The following GLP2R variants were observed in gnomAD, a reference collection of about 807,000 sequenced individuals.
The protein encoded by GLP2R is glucagon like peptide 2 receptor.
Under a neutral mutation model 68.2 loss-of-function variants are expected in GLP2R, and 59 were observed. That is an observed-to-expected ratio of 0.87 (90% CI 0.70 to 1.07). The LOEUF is 1.07. Ranked by LOEUF, GLP2R falls within the 50% of genes least tolerant of loss-of-function variation. GLP2R has a pLI of 0.00. For missense variants in GLP2R, 548 were observed against 677.4 expected (o/e 0.81, Z 2.12); for synonymous variants, 270 against 265.4 (o/e 1.02, Z -0.17).
intron 11 of GLP2R, among the ~76,000 whole-genome samples, chr17:9,883,000 A>G (rs1324633548): frequency 1.4e-5 from 2 of 147,240 alleles, no homozygotes; most frequent in Admixed American, 6.8e-5. Context: ...ACAAAAAAAA[A>G]AAAAAAGCAG....
intron 9 of GLP2R, 41 bp from the exon 10 acceptor site, chr17:9,870,706 A>G: frequency 1.1e-6 from 1 of 907,058 alleles, no homozygotes; most frequent in South Asian, 1.3e-5. Flanking sequence ...AGCTATGTGG[A>G]ATTCGTCACT....
In GLP2R at chr17:9,826,057, G is replaced by A. The variant is rs375752231; in HGVS notation, c.-7G>A. On this transcript the variant is annotated 5_prime_UTR_variant, in exon 1 of 13. Coordinates refer to ENST00000262441, the MANE Select transcript of GLP2R (RefSeq NM_004246.3). ...TGTACCCCTACTTGTGAAGGTGCAC[G>A]AGGAAGATGAAGCTGGGATCGAGCA... The A allele has an allele frequency of 5.3e-5, 86 of 1,608,714 alleles. No individual in the cohort carries two copies. Among genetic ancestry groups the A allele is most frequent in the African/African-American group, 1.3e-4 (10 of 74,708 alleles).
chr17:9,837,043 C>T (rs1008773261), intron 3 of GLP2R, among the ~76,000 whole-genome samples: 4 of 151,930 alleles, frequency 2.6e-5, no homozygotes, highest in South Asian at 2.1e-4. Flanking sequence ...TTAGTAGAGA[C>T]GGGATTTCAC....
At chr17:9,868,916 C>T (rs9898951) in intron 9 of GLP2R, among the ~76,000 whole-genome samples, 3,076 of 152,218 alleles carry the variant, frequency 0.02, 106 homozygotes, top group African/African-American at 0.068. Context: ...AAGGACACAA[C>T]GTTTTCTCTT....
At chr17:9,842,444 G>A (rs1002094106) in intron 3 of GLP2R, 51 bp from the exon 4 acceptor site, 6 of 1,612,502 alleles carry the variant, frequency 3.7e-6, no homozygotes, top group Non-Finnish European at 5.1e-6. Context: ...CATGCTCAGG[G>A]GAACGGGCTG....
intron 9 of GLP2R, 117 bp downstream of exon 9, chr17:9,862,207 A>C: frequency 2.7e-6 from 2 of 734,554 alleles, no homozygotes; most frequent in East Asian, 5.0e-5. Context: ...GAGAAGCTGA[A>C]CTATGAGCAT....
intron 5 of GLP2R, among the ~76,000 whole-genome samples, chr17:9,856,530 A>T (rs1020320643): frequency 6.6e-6 from 1 of 152,190 alleles, no homozygotes; most frequent in African/African-American, 2.4e-5. Flanking sequence ...CACATCACAC[A>T]CAAAGAGTCT....
Position 9,862,067 on chromosome 17 carries a change from G to A in GLP2R, c.1033G>A (p.Gly345Arg). ...TAAGAAAATCTGGTGGATCATCCGA[G>A]GACCCATGATGCTCTGTGTAACAGT... is the stretch of plus-strand genomic sequence containing the variant. The part of the protein sequence containing the change: ...GNKKIWWIIR[G>R]PMMLCVTVNF... The change falls in exon 9 of 13, where the codon GGA becomes AGA. Residue 345 changes from glycine to arginine, a missense_variant. Gly to Arg is a moderately radical substitution (Grantham distance 125, BLOSUM62 -2). Coordinates refer to ENST00000262441, the MANE Select transcript of GLP2R (RefSeq NM_004246.3). The A allele has an allele frequency of 2.5e-6, 4 of 1,613,434 alleles. No homozygotes were observed. Among genetic ancestry groups the A allele is most frequent in the Non-Finnish European group, 3.4e-6 (4 of 1,179,408 alleles).
chr17:9,833,965 A>G, intron 2 of GLP2R, 71 bp downstream of exon 2: 1 of 915,502 alleles, frequency 1.1e-6, no homozygotes, highest in Non-Finnish European at 1.8e-6. Flanking sequence ...CAAAACAATA[A>G]CTAGTCACTT....
chr17:9,843,959 C>T (rs2066812544), intron 4 of GLP2R, among the ~76,000 whole-genome samples: 1 of 152,060 alleles, frequency 6.6e-6, no homozygotes, highest in African/African-American at 2.4e-5. Context: ...GTGATCGTTG[C>T]TGGGAGGGAA....
intron 4 of GLP2R, among the ~76,000 whole-genome samples, chr17:9,843,694 A>G (rs962146260): frequency 6.6e-6 from 1 of 152,204 alleles, no homozygotes; most frequent in Non-Finnish European, 1.5e-5. Context: ...TGTTTGTCCA[A>G]CATCTGCTCA....
intron 6 of GLP2R, among the ~76,000 whole-genome samples, chr17:9,857,852 A>G (rs902400924): frequency 1.3e-5 from 2 of 152,240 alleles, no homozygotes; most frequent in African/African-American, 4.8e-5. Context: ...GACCAGATCA[A>G]CGTATTTTAC....
chr17:9,880,598 G>A (rs921799975), intron 11 of GLP2R, 82 bp downstream of exon 11: 3 of 909,228 alleles, frequency 3.3e-6, no homozygotes, highest in Middle Eastern at 6.3e-4. Flanking sequence ...GAATTAAGGA[G>A]CCCGTGGATG....
Position 9,870,855 on chromosome 17 carries a change from TC to T in GLP2R, c.1145+24del, listed in dbSNP as rs756773588. 16 of 1,110,538 alleles carry T rather than the reference TC, an allele frequency of 1.4e-5. No individual in the cohort carries two copies. The South Asian group carries it at 1.5e-4, about 10-fold the overall frequency. The allele number at this position is 1,110,538 out of a possible 1,614,324, so 68.8% of individuals were successfully genotyped here. Reference sequence around the variant, plus strand: ...ATACAGGTGAGTGGCTTAAGGTTGGTCCCCAGCAGTCCAAGGTTATTGTAAG... The same window carrying T: ...ATACAGGTGAGTGGCTTAAGGTTGGTCCCAGCAGTCCAAGGTTATTGTAAG... On this transcript the variant is annotated intron_variant, in intron 10 of 12. Coordinates refer to ENST00000262441, the MANE Select transcript of GLP2R (RefSeq NM_004246.3).
intron 3 of GLP2R, among the ~76,000 whole-genome samples, chr17:9,837,949 C>T (rs2066748768): frequency 6.6e-6 from 1 of 152,032 alleles, no homozygotes; most frequent in Admixed American, 6.6e-5. Context: ...CAATGTTTTG[C>T]GCCTCTAGAG....
intron 12 of GLP2R, among the ~76,000 whole-genome samples, chr17:9,888,375 A>G (rs910857905): frequency 6.6e-6 from 1 of 152,212 alleles, no homozygotes; most frequent in African/African-American, 2.4e-5. Flanking sequence ...GGGAGCAACA[A>G]TCATCCCTGC....
In GLP2R at chr17:9,891,684, C is replaced by G. The variant is rs2067291965; in HGVS notation, c.*1979C>G. The G allele has an allele frequency of 6.6e-6, 1 of 152,222 alleles. No homozygotes were observed. Among genetic ancestry groups the G allele is most frequent in the Admixed American group, 6.5e-5 (1 of 15,282 alleles). 9.4% of individuals were successfully genotyped at this position (152,222 alleles called of 1,614,324 possible). A position where few individuals can be genotyped will look rare whatever the true frequency, so the allele number is the denominator to read the frequency against. The stretch of plus-strand genomic sequence containing the variant: ...TTTAGGATGGGGATGGAGGCAAAGG[C>G]ATCAGGCAAGTAATGAAGCAAAGGT... On this transcript the variant is annotated 3_prime_UTR_variant, in exon 13 of 13. Transcript: ENST00000262441.
At chr17:9,864,806 A>G (rs1463687131) in intron 9 of GLP2R, among the ~76,000 whole-genome samples, 1 of 152,098 alleles carries the variant, frequency 6.6e-6, no homozygotes, top group Non-Finnish European at 1.5e-5. Context: ...TTCAGGCATG[A>G]GCCACCGTGT....
chr17:9,863,856 A>G (rs1049578656), intron 9 of GLP2R, among the ~76,000 whole-genome samples: 2 of 152,166 alleles, frequency 1.3e-5, no homozygotes, highest in Non-Finnish European at 2.9e-5. Flanking sequence ...TGTTCTGATC[A>G]TCCTGGCAGC....
Sources: allele counts gnomAD v4.1 joint callset (sites outside exome capture counted in the v4.1 genomes callset), GRCh38; gene constraint gnomAD v4.1.1; transcripts MANE v1.5; gene names NCBI Gene and HGNC (gene_info 2026-07-23, HGNC 2026-07-21).